Variants in MBNL2 observed in about 807,000 individuals in gnomAD.
MBNL2 encodes muscleblind-like protein 2.
A neutral mutation model predicts 41.9 loss-of-function variants in MBNL2; 17 were observed. The observed-to-expected ratio is 0.41, with a 90% CI of 0.28 to 0.61. The LOEUF (loss-of-function observed/expected upper bound fraction) is 0.61. Ranked by LOEUF, MBNL2 falls within the 20% of genes least tolerant of loss-of-function variation. MBNL2 has a pLI of 0.35. For missense variants in MBNL2, 336 were observed against 505.6 expected, an observed-to-expected ratio of 0.66 and a Z score of 3.22; for synonymous variants, 195 against 182.9, an observed-to-expected ratio of 1.07 and a Z score of -0.53.
chr13:97,246,308 CA>C (rs1566364175), intron 1 of MBNL2, among the ~76,000 whole-genome samples: 19 of 147,836 alleles, frequency 1.3e-4, no homozygotes, highest in African/African-American at 5.0e-4. Flanking sequence ...CACACACACA[CA>C]CCTATTTATG....
chr13:97,313,472 G>T (rs552714189), intron 2 of MBNL2, among the ~76,000 whole-genome samples: 2 of 152,316 alleles, frequency 1.3e-5, no homozygotes, highest in Non-Finnish European at 2.9e-5. Context: ...TTGAACAGAA[G>T]AGGGAAATGG....
At chr13:97,269,172 A>G (rs1037863955) in intron 1 of MBNL2, among the ~76,000 whole-genome samples, 2 of 152,188 alleles carry the variant, frequency 1.3e-5, no homozygotes, top group Non-Finnish European at 2.9e-5. Flanking sequence ...TTAGGGTAGG[A>G]TTGTTTGGGA....
At chr13:97,272,743 T>C (rs1304714033) in intron 1 of MBNL2, among the ~76,000 whole-genome samples, 3 of 152,234 alleles carry the variant, frequency 2.0e-5, no homozygotes, top group Non-Finnish European at 4.4e-5. Context: ...TATGCATATG[T>C]TAATTAGCTC....
intron 5 of MBNL2, among the ~76,000 whole-genome samples, chr13:97,349,990 G>A (rs2062287505): frequency 6.6e-6 from 1 of 152,156 alleles, no homozygotes; most frequent in South Asian, 2.1e-4. Flanking sequence ...GTGACAGGAT[G>A]CTGTGATTGA....
chr13:97,374,134 G>A (rs1467002383), intron 8 of MBNL2, among the ~76,000 whole-genome samples: 1 of 139,412 alleles, frequency 7.2e-6, no homozygotes, highest in Admixed American at 7.8e-5. Flanking sequence ...GAGTGCAATG[G>A]TGCAATCTTT....
Position 97,393,126 on chromosome 13 carries a change from T to G in MBNL2, c.*1677T>G, listed in dbSNP as rs1394708546. Reference sequence around the variant, plus strand: ...CATAGTGCTTGTATCGTTGCATTTGTTTTAATTTGTGGAAAAGTATTGTAT... The same window carrying G: ...CATAGTGCTTGTATCGTTGCATTTGGTTTAATTTGTGGAAAAGTATTGTAT... On this transcript the variant is annotated 3_prime_UTR_variant, in exon 9 of 9. Transcript: ENST00000679496. 6.6e-6 allele frequency: 1 copy of G among 152,482 alleles called. No homozygotes were observed. The highest frequency in any genetic ancestry group is 1.9e-4 in the East Asian group (1 of 5,194). The allele number at this position is 152,482 out of a possible 1,614,324, so 9.4% of individuals were successfully genotyped here. A position where few individuals can be genotyped will look rare whatever the true frequency, so the allele number is the denominator to read the frequency against.
At chr13:97,294,084 T>C (rs2056639432) in intron 2 of MBNL2, among the ~76,000 whole-genome samples, 1 of 152,212 alleles carries the variant, frequency 6.6e-6, no homozygotes, top group Non-Finnish European at 1.5e-5. Context: ...CTTTATTATA[T>C]CTTTTTCATC....
the MBNL2 span, among the ~76,000 whole-genome samples, chr13:97,177,332 C>T: frequency 6.6e-6 from 1 of 152,110 alleles, no homozygotes; most frequent in Admixed American, 6.5e-5. Context: ...GAATGAGAGA[C>T]TCTGTCTCCA....
upstream of MBNL2, among the ~76,000 whole-genome samples, chr13:97,218,875 G>A (rs908898817): frequency 2.0e-5 from 3 of 151,186 alleles, no homozygotes; most frequent in South Asian, 2.1e-4. Flanking sequence ...CGCCTCCACC[G>A]TGTGCCACGA....
At chr13:97,383,667 T>G (rs1043702846) in intron 8 of MBNL2, among the ~76,000 whole-genome samples, 1 of 152,148 alleles carries the variant, frequency 6.6e-6, no homozygotes, top group Non-Finnish European at 1.5e-5. Flanking sequence ...ATTACGGACA[T>G]TACAACCTCA....
chr13:97,341,437 A>T (rs1394572900), intron 3 of MBNL2, among the ~76,000 whole-genome samples: 2 of 152,258 alleles, frequency 1.3e-5, no homozygotes, highest in Admixed American at 6.5e-5. Context: ...TATAAAAGCT[A>T]CAGTTACTGA....
the MBNL2 span, among the ~76,000 whole-genome samples, chr13:97,158,309 G>A: frequency 6.6e-6 from 1 of 150,652 alleles, no homozygotes; most frequent in Admixed American, 6.6e-5. Flanking sequence ...AGTCTTGCTA[G>A]CGGTCTATCA....
chr13:97,150,369 T>C, the MBNL2 span, among the ~76,000 whole-genome samples: 10 of 152,326 alleles, frequency 6.6e-5, no homozygotes, highest in East Asian at 3.9e-4. Flanking sequence ...AATTGCCAAG[T>C]ACATTCTAAC....
At chr13:97,326,127 C>G (rs917147127) in intron 2 of MBNL2, among the ~76,000 whole-genome samples, 1 of 152,152 alleles carries the variant, frequency 6.6e-6, no homozygotes, top group Non-Finnish European at 1.5e-5. Context: ...GAATGATGCT[C>G]TACACCTATT....
intron 1 of MBNL2, among the ~76,000 whole-genome samples, chr13:97,235,516 T>C (rs2043106516): frequency 6.6e-6 from 1 of 152,210 alleles, no homozygotes; most frequent in Non-Finnish European, 1.5e-5. Flanking sequence ...CCGGAATTCT[T>C]GTGAGTCCCC....
rs928367419 is a variant in MBNL2, at chr13:97,268,407, G to A, written c.-604-7225G>A. Among the ~76,000 whole-genome samples, 33 of 152,136 alleles carry A rather than the reference G, an allele frequency of 2.2e-4. No individual in the cohort carries two copies. The highest frequency in any genetic ancestry group is 7.2e-4 in the African/African-American group (30 of 41,434). On this transcript the variant is annotated intron_variant, in intron 1 of 8. Transcript: ENST00000679496. This position sits in a 1 kb window ranked among gnomAD's most constrained non-coding sequence, Gnocchi z 4.6. ...TGAGCCACTGCGCCGGGCCGAGAGT[G>A]TGCATTCCTAACAAGATCCCAGCGG...
chr13:97,167,140 C>T, the MBNL2 span, among the ~76,000 whole-genome samples: 4 of 152,166 alleles, frequency 2.6e-5, no homozygotes, highest in Admixed American at 1.3e-4. Flanking sequence ...TAGGCAGCTG[C>T]TTGTCTATAT....
intron 2 of MBNL2, among the ~76,000 whole-genome samples, chr13:97,298,233 C>T (rs1315288686): frequency 6.6e-6 from 1 of 151,782 alleles, no homozygotes; most frequent in East Asian, 1.9e-4. Flanking sequence ...TTAAAACAGT[C>T]CTGGAAGGCA....
At chr13:97,250,045 T>G (rs993878300) in intron 1 of MBNL2, among the ~76,000 whole-genome samples, 1 of 152,218 alleles carries the variant, frequency 6.6e-6, no homozygotes, top group Non-Finnish European at 1.5e-5. Context: ...TTCTCAGCTT[T>G]TTTTGGAACT....
Sources: gnomAD v4.1 joint callset for allele counts (sites outside exome capture counted in the v4.1 genomes callset) on GRCh38, gnomAD v4.1.1 for gene constraint, Gnocchi (gnomAD v3.1) non-coding constraint, MANE v1.5 for transcripts, NCBI Gene and HGNC (gene_info 2026-07-23, HGNC 2026-07-21) for gene names.